The following ZSCAN25 variants were observed in gnomAD, a reference collection of about 807,000 sequenced individuals.
The protein encoded by ZSCAN25 is zinc finger and SCAN domain-containing protein 25.
ZSCAN25 carries 27 observed loss-of-function variants against 38.7 expected under a neutral mutation model. The ratio of observed to expected loss-of-function variants is 0.70; its 90% confidence interval spans 0.51 to 0.96. The LOEUF is 0.96. Among genes scored for constraint, ZSCAN25 ranks in the 40% least tolerant of loss-of-function variants. The probability of loss-of-function intolerance (pLI) is 0.00; values close to 1 mark genes in which losing one functional copy is unlikely to be tolerated. For synonymous variants in ZSCAN25, 273 were observed against 277.7 expected, an observed-to-expected ratio of 0.98 and a Z score of 0.17; for missense variants, 637 against 705.9, an observed-to-expected ratio of 0.90 and a Z score of 1.11.
chr7:99,695,478 GCT>G, the ZSCAN25 span, among the ~76,000 whole-genome samples: 1 of 152,108 alleles, frequency 6.6e-6, no homozygotes. Flanking sequence ...TCTTTATGGT[GCT>G]CACAAAGTCT....
At chr7:99,726,267 A>G in the ZSCAN25 span, among the ~76,000 whole-genome samples, 2 of 152,098 alleles carry the variant, frequency 1.3e-5, no homozygotes, top group Non-Finnish European at 2.9e-5. Flanking sequence ...ATCCCATCCC[A>G]CAAGAGGCTT....
At chr7:99,701,243 G>T in the ZSCAN25 span, among the ~76,000 whole-genome samples, 1 of 152,162 alleles carries the variant, frequency 6.6e-6, no homozygotes, top group Non-Finnish European at 1.5e-5. Context: ...CTAACATAAT[G>T]ACCTGCAGTT....
the ZSCAN25 span, among the ~76,000 whole-genome samples, chr7:99,687,124 C>T: frequency 3.3e-5 from 5 of 152,202 alleles, no homozygotes; most frequent in African/African-American, 9.7e-5. Flanking sequence ...GCCTCTCCTC[C>T]TCCAAAGGAA....
the ZSCAN25 span, among the ~76,000 whole-genome samples, chr7:99,701,476 C>T: frequency 2.6e-5 from 4 of 152,292 alleles, no homozygotes; most frequent in South Asian, 2.1e-4. Flanking sequence ...TACCCAGCAC[C>T]GGGATTTCTG....
chr7:99,717,623 C>T, the ZSCAN25 span: 3 of 1,613,530 alleles, frequency 1.9e-6, no homozygotes, highest in Non-Finnish European at 2.5e-6. Context: ...TTTCATAAAT[C>T]CCACTGGCCC....
chr7:99,641,115 CT>C, the ZSCAN25 span, among the ~76,000 whole-genome samples: 43 of 152,226 alleles, frequency 2.8e-4, no homozygotes, highest in East Asian at 6.8e-3. Context: ...CGTTTACCTC[CT>C]GTATTAGTCT....
chr7:99,714,114 G>A, the ZSCAN25 span, among the ~76,000 whole-genome samples: 1 of 152,198 alleles, frequency 6.6e-6, no homozygotes, highest in Non-Finnish European at 1.5e-5. Context: ...CTACACTTCA[G>A]CAGGTGGCCT....
chr7:99,623,766 C>T (rs116947174), intron 6 of ZSCAN25, among the ~76,000 whole-genome samples: 272 of 152,248 alleles, frequency 1.8e-3, no homozygotes, highest in Admixed American at 3.6e-3. Flanking sequence ...CAGGGCTTGG[C>T]CGAATGTGAA....
At chr7:99,625,260 T>C (rs892240509) in intron 7 of ZSCAN25, among the ~76,000 whole-genome samples, 11 of 151,958 alleles carry the variant, frequency 7.2e-5, no homozygotes, top group Admixed American at 2.6e-4. Context: ...GTGACCATGG[T>C]AGTGTTAGAT....
the ZSCAN25 span, among the ~76,000 whole-genome samples, chr7:99,712,284 T>G: frequency 2.0e-5 from 3 of 152,352 alleles, no homozygotes; most frequent in African/African-American, 7.2e-5. Context: ...ATTTCTGTGA[T>G]GCAGTTGTGG....
chr7:99,727,442 A>C, the ZSCAN25 span, among the ~76,000 whole-genome samples: 1 of 151,222 alleles, frequency 6.6e-6, no homozygotes, highest in African/African-American at 2.4e-5. Context: ...AGCAATACCC[A>C]CTCTCTGTTG....
the ZSCAN25 span, chr7:99,666,706 T>A: frequency 6.2e-7 from 1 of 1,614,002 alleles, no homozygotes; most frequent in Non-Finnish European, 8.5e-7. Flanking sequence ...ACAAAACAGA[T>A]CAGTACCTGT....
the ZSCAN25 span, among the ~76,000 whole-genome samples, chr7:99,682,926 G>C: frequency 3.3e-5 from 5 of 152,068 alleles, no homozygotes; most frequent in African/African-American, 1.2e-4. Context: ...TTCACTGTTG[G>C]CATGCAGAAA....
chr7:99,729,065 C>T, the ZSCAN25 span, among the ~76,000 whole-genome samples: 5 of 152,106 alleles, frequency 3.3e-5, no homozygotes, highest in African/African-American at 9.7e-5. Context: ...AAGATAAAGA[C>T]CAAAAACTCA....
At chr7:99,705,426 G>A in the ZSCAN25 span, 1 of 1,517,626 alleles carries the variant, frequency 6.6e-7, no homozygotes. Flanking sequence ...GGTTCTATTT[G>A]TAAAGTAATT....
chr7:99,645,156 A>G, the ZSCAN25 span, among the ~76,000 whole-genome samples: 21 of 152,156 alleles, frequency 1.4e-4, no homozygotes, highest in East Asian at 5.8e-4. Flanking sequence ...ACATGCAGCT[A>G]ATTTTTGTAT....
chr7:99,690,675 A>C, the ZSCAN25 span, among the ~76,000 whole-genome samples: 1 of 152,132 alleles, frequency 6.6e-6, no homozygotes, highest in African/African-American at 2.4e-5. Context: ...TTATGCACCC[A>C]ACAGACACAT....
chr7:99,630,119 C>CT lies in ZSCAN25; in HGVS notation c.*101dup. 1 of 1,432,118 alleles carries CT rather than the reference C, an allele frequency of 7.0e-7. No homozygotes were observed. Among genetic ancestry groups the CT allele is most frequent in the South Asian group, 1.5e-5 (1 of 65,566 alleles). 88.7% of individuals were successfully genotyped at this position (1,432,118 alleles called of 1,614,324 possible). ...TGCAGGAAAGCACTGGTCCCATCGC[C>CT]TTCCCACCCATTCGCCAACGCGGGA... On this transcript the variant is annotated 3_prime_UTR_variant, in exon 8 of 8. Coordinates refer to ENST00000394152, the MANE Select transcript of ZSCAN25 (RefSeq NM_145115.3).
At chr7:99,722,348 C>G in the ZSCAN25 span, 2 of 1,613,418 alleles carry the variant, frequency 1.2e-6, no homozygotes, top group Non-Finnish European at 8.5e-7. Flanking sequence ...GTCCAATAGC[C>G]CTGGGAGGAG....
Sources: gnomAD v4.1 joint callset for allele counts (sites outside exome capture counted in the v4.1 genomes callset) on GRCh38, gnomAD v4.1.1 for gene constraint, MANE v1.5 for transcripts, NCBI Gene and HGNC (gene_info 2026-07-23, HGNC 2026-07-21) for gene names.